The following MED12L variants were observed in gnomAD, a reference collection of about 807,000 sequenced individuals.
MED12L encodes mediator of RNA polymerase II transcription subunit 12-like protein.
Under a neutral mutation model 281.3 loss-of-function variants are expected in MED12L, and 60 were observed. That is an observed-to-expected ratio of 0.21 (90% CI 0.17 to 0.26). The LOEUF (loss-of-function observed/expected upper bound fraction) is 0.26, where lower values mean the gene tolerates loss of function less well. Among genes scored for constraint, MED12L ranks in the 10% least tolerant of loss-of-function variants. The pLI, the probability that MED12L is intolerant of heterozygous loss-of-function variation, is 1.00. For synonymous variants in MED12L, 974 were observed against 987.2 expected, an observed-to-expected ratio of 0.99 and a Z score of 0.25; for missense variants, 2,146 against 2,680.9, an observed-to-expected ratio of 0.80 and a Z score of 4.41.
Position 151,367,117 on chromosome 3 carries a change from C to T in MED12L, c.3328-529C>T, listed in dbSNP as rs201978602. Among the ~76,000 whole-genome samples the T allele has an allele frequency of 3.0e-4, 3 of 9,888 alleles. No individual in the cohort carries two copies. The African/African-American group carries it at 5.5e-3, about 18-fold the overall frequency. 6.5% of individuals were successfully genotyped at this position (9,888 alleles called of 152,430 possible). A position where few individuals can be genotyped will look rare whatever the true frequency, so the allele number is the denominator to read the frequency against. The stretch of plus-strand genomic sequence containing the variant: ...GACTGAATTAATTTCCCCCTCTGTC[C>T]TTTTTCTTCTTTTTAAATTTAAGAG... On this transcript the variant is annotated intron_variant, in intron 23 of 44. Transcript: ENST00000687756.
intron 16 of MED12L, among the ~76,000 whole-genome samples, chr3:151,316,005 T>C (rs1748184054): frequency 6.6e-6 from 1 of 152,212 alleles, no homozygotes; most frequent in African/African-American, 2.4e-5. Flanking sequence ...ACAGTTTGAA[T>C]GTGGAACAAC....
intron 16 of MED12L, among the ~76,000 whole-genome samples, chr3:151,237,336 CT>C (rs1210483322): frequency 3.2e-4 from 31 of 96,512 alleles, no homozygotes; most frequent in Admixed American, 1.5e-3. Flanking sequence ...CCACGCCTGG[CT>C]TTTTTTTTTT....
intron 14 of MED12L, among the ~76,000 whole-genome samples, chr3:151,191,743 C>G (rs956718141): frequency 2.6e-5 from 4 of 152,010 alleles, no homozygotes; most frequent in African/African-American, 9.7e-5. Context: ...CCTGTCTGTA[C>G]CAAAAATACA....
At chr3:151,238,736 T>C (rs999115607) in intron 16 of MED12L, among the ~76,000 whole-genome samples, 3 of 152,226 alleles carry the variant, frequency 2.0e-5, no homozygotes, top group Admixed American at 6.5e-5. Context: ...AATAAAGCAA[T>C]ACTAGTTTTT....
intron 16 of MED12L, among the ~76,000 whole-genome samples, chr3:151,215,778 A>G (rs1728097318): frequency 6.6e-6 from 1 of 152,150 alleles, no homozygotes; most frequent in Admixed American, 6.5e-5. Flanking sequence ...CTAAGTCTGT[A>G]ATGTTGAAGT....
At chr3:151,230,436 C>T (rs900611049) in intron 16 of MED12L, among the ~76,000 whole-genome samples, 1 of 152,166 alleles carries the variant, frequency 6.6e-6, no homozygotes, top group African/African-American at 2.4e-5. Context: ...TCATTATTGC[C>T]TCAGGTATAA....
chr3:151,268,576 T>C (rs1179612426), intron 16 of MED12L, among the ~76,000 whole-genome samples: 1 of 152,258 alleles, frequency 6.6e-6, no homozygotes, highest in Non-Finnish European at 1.5e-5. Flanking sequence ...AAATTTTGCC[T>C]AATTTGTTTC....
chr3:151,396,891 T>A (rs1165327235), intron 39 of MED12L, among the ~76,000 whole-genome samples: 2 of 152,168 alleles, frequency 1.3e-5, no homozygotes, highest in Non-Finnish European at 2.9e-5. Flanking sequence ...CAGCTAGAAA[T>A]TTTTTTAAAG....
chr3:151,347,983 A>G (rs1356465697), intron 16 of MED12L, among the ~76,000 whole-genome samples: 5 of 152,158 alleles, frequency 3.3e-5, no homozygotes, highest in South Asian at 4.1e-4. Flanking sequence ...TGTGAGGAGC[A>G]CGTGGCTCTT....
At chr3:151,169,186 T>G (rs1205994154) in intron 11 of MED12L, among the ~76,000 whole-genome samples, 1 of 150,870 alleles carries the variant, frequency 6.6e-6, no homozygotes. Context: ...GGCGTGATCT[T>G]GGCTCACTGC....
chr3:151,315,943 G>C (rs1319565430), intron 16 of MED12L, among the ~76,000 whole-genome samples: 1 of 152,166 alleles, frequency 6.6e-6, no homozygotes, highest in Admixed American at 6.5e-5. Context: ...TAAAAGAACT[G>C]AGATCTCCAT....
At chr3:151,374,419 A>G (rs1756572429) in intron 27 of MED12L, among the ~76,000 whole-genome samples, 1 of 152,100 alleles carries the variant, frequency 6.6e-6, no homozygotes, top group Non-Finnish European at 1.5e-5. Context: ...GTGGTGGCAC[A>G]TGCCTGTCAT....
At chr3:151,309,728 C>T (rs1009535493) in intron 16 of MED12L, among the ~76,000 whole-genome samples, 3 of 152,154 alleles carry the variant, frequency 2.0e-5, no homozygotes, top group African/African-American at 7.2e-5. Context: ...TGCCTGACTA[C>T]CAGAGTGTCC....
intron 14 of MED12L, among the ~76,000 whole-genome samples, chr3:151,192,140 A>G (rs1724074090): frequency 6.6e-6 from 1 of 152,152 alleles, no homozygotes; most frequent in South Asian, 2.1e-4. Flanking sequence ...AAGTTCCTTT[A>G]CCTGTTTACA....
At chr3:151,223,648 G>C (rs1729867692) in intron 16 of MED12L, among the ~76,000 whole-genome samples, 1 of 152,142 alleles carries the variant, frequency 6.6e-6, no homozygotes, top group Non-Finnish European at 1.5e-5. Context: ...GATACACATG[G>C]ACACAAAGAT....
intron 26 of MED12L, 113 bp from the exon 27 acceptor site, chr3:151,372,454 T>C: frequency 1.4e-6 from 1 of 739,060 alleles, no homozygotes; most frequent in East Asian, 2.6e-5. Flanking sequence ...GGCTATTCAA[T>C]AATAATACTG....
chr3:151,307,120 C>G (rs972910432), intron 16 of MED12L, among the ~76,000 whole-genome samples: 1 of 152,176 alleles, frequency 6.6e-6, no homozygotes, highest in African/African-American at 2.4e-5. Context: ...TTGAAAGATA[C>G]AGGATCTCTT....
intron 16 of MED12L, chr3:151,295,014 A>G (rs1744889666): frequency 1.2e-6 from 2 of 1,613,716 alleles, no homozygotes; most frequent in Non-Finnish European, 1.7e-6. Flanking sequence ...TTGAGATAGA[A>G]TATGAAGCTG....
At chr3:151,110,619 T>G (rs1711720897) in intron 2 of MED12L, among the ~76,000 whole-genome samples, 1 of 152,252 alleles carries the variant, frequency 6.6e-6, no homozygotes, top group Non-Finnish European at 1.5e-5. Flanking sequence ...TCTAGGTCCC[T>G]GACCTAAAGT....
Sources: gnomAD v4.1 joint callset for allele counts (sites outside exome capture counted in the v4.1 genomes callset) on GRCh38, gnomAD v4.1.1 for gene constraint, MANE v1.5 for transcripts, NCBI Gene and HGNC (gene_info 2026-07-23, HGNC 2026-07-21) for gene names.